The following CDC42BPG variants were observed in gnomAD, a reference collection of about 807,000 sequenced individuals.
The protein encoded by CDC42BPG is CDC42 binding protein kinase gamma.
CDC42BPG carries 157 observed loss-of-function variants against 192.2 expected under a neutral mutation model. The ratio of observed to expected loss-of-function variants is 0.82; its 90% CI spans 0.72 to 0.93. The LOEUF is 0.93. Among genes scored for constraint, CDC42BPG ranks in the 40% least tolerant of loss-of-function variants. The pLI is 0.00. For missense variants in CDC42BPG, 1,992 were observed against 2,122.1 expected (o/e 0.94, Z 1.20); for synonymous variants, 981 against 918.5 (o/e 1.07, Z -1.23).
intron 1 of CDC42BPG, among the ~76,000 whole-genome samples, chr11:64,843,057 G>A (rs1943350209): frequency 6.6e-6 from 1 of 152,084 alleles, no homozygotes; most frequent in Admixed American, 6.5e-5. Flanking sequence ...GCACCATAGG[G>A]ACCCACCCGC....
In CDC42BPG at chr11:64,829,693, A is replaced by G. The variant is rs200099116; in HGVS notation, c.3745T>C (p.Tyr1249His). 5.9e-4 allele frequency: 950 copies of G among 1,611,458 alleles called. 1 individual carries two copies. Among genetic ancestry groups the G allele is most frequent in the Non-Finnish European group, 7.6e-4 (902 of 1,179,470 alleles). The change falls in exon 30 of 37, where the codon TAC becomes CAC. Residue 1249 changes from tyrosine to histidine, a missense_variant. By Grantham distance (83) the Tyr-to-His change is moderately conservative (BLOSUM62 2). This residue lies in a region of CDC42BPG where 1,656 missense variants were observed against 1,844.3 expected (regional missense o/e 0.90). Coordinates refer to ENST00000342711, the MANE Select transcript of CDC42BPG (RefSeq NM_017525.3). The stretch of plus-strand genomic sequence containing the variant: ...GGCGCAGCCTCGTTGAGCAGCGGGT[A>G]GAGTGCAAAGCCACCGGCGGCGCCC... ...CVGAAGGFAL[Y>H]PLLNEAAPLA...
chr11:64,839,753 G>A (rs1035682771), intron 5 of CDC42BPG, among the ~76,000 whole-genome samples, 182 bp from the exon 6 acceptor site: 2 of 152,070 alleles, frequency 1.3e-5, no homozygotes, highest in Admixed American at 6.6e-5. Flanking sequence ...CCAGAAGGAG[G>A]AAGATGGCTA....
intron 34 of CDC42BPG, 26 bp from the exon 35 acceptor site, chr11:64,826,820 T>C: frequency 1.4e-6 from 2 of 1,477,612 alleles, no homozygotes; most frequent in Non-Finnish European, 1.8e-6. Context: ...GCGGAGGGGC[T>C]GGGACTAGCA....
chr11:64,840,187 C>T lies in CDC42BPG; in HGVS notation c.514G>A (p.Ala172Thr). ...RFEDRLPPEL[A>T]QFYLAEMVLA... ...ACCATCTCAGCCAGGTAGAACTGGG[C>T]CAGCTCGGGCGGGAGACGGTCCTCG... is the stretch of plus-strand genomic sequence containing the variant. Residue 172 changes from alanine to threonine, a missense_variant, in exon 5 of 37, where the codon GCC (alanine) becomes ACC (threonine). By Grantham distance (58) the Ala-to-Thr change is moderately conservative (BLOSUM62 0). Transcript: ENST00000342711. The T allele has an allele frequency of 7.4e-6, 12 of 1,613,210 alleles. No homozygotes were observed. Among genetic ancestry groups the T allele is most frequent in the Non-Finnish European group, 9.3e-6 (11 of 1,179,986 alleles).
chr11:64,824,966 G>A (rs1407851110), intron 36 of CDC42BPG, among the ~76,000 whole-genome samples: 1 of 148,700 alleles, frequency 6.7e-6, no homozygotes, highest in African/African-American at 2.5e-5. Flanking sequence ...CTGGAGGCTG[G>A]AATGCAGTGG....
intron 23 of CDC42BPG, 99 bp from the exon 24 acceptor site, chr11:64,833,435 C>A: frequency 1.1e-6 from 1 of 945,460 alleles, no homozygotes; most frequent in Non-Finnish European, 1.6e-6. Flanking sequence ...GCAACAGTGA[C>A]CTCCGAGTCC....
Position 64,833,946 on chromosome 11 carries a change from G to T in CDC42BPG, c.2445C>A (p.Phe815Leu). 6.2e-7 allele frequency: 1 copy of T among 1,614,256 alleles called. No homozygotes were observed. The highest frequency in any genetic ancestry group is 8.5e-7 in the Non-Finnish European group (1 of 1,180,038). Reference protein sequence around the residue: ...DTKPSNSLIPFLSFRSSEKDS... With the variant: ...DTKPSNSLIPLLSFRSSEKDS... ...TTACCTCTGAGCTCCGGAAGGACAG[G>T]AAGGGAATCAGGGAGTTTGAGGGCT... Residue 815 changes from phenylalanine to leucine, a missense_variant, in exon 21 of 37, where the codon TTC becomes TTA. Coordinates refer to ENST00000342711, the MANE Select transcript of CDC42BPG (RefSeq NM_017525.3).
rs199579250 is a variant in CDC42BPG, at chr11:64,836,994, C to T, written c.1231G>A (p.Ala411Thr). ...GSHSPESSSE[A>T]WAALERKLQC... ...AGCTTCCGCTCCAGGGCAGCCCAAG[C>T]CTCAGAGCTGCTCTCAGGACTGTGA... Residue 411 changes from alanine to threonine, a missense_variant, in exon 10 of 37, where the codon GCT becomes ACT. Physicochemically the swap from Ala to Thr is moderately conservative, Grantham distance 58. This residue lies in a region of CDC42BPG where 1,656 missense variants were observed against 1,844.3 expected (regional missense o/e 0.90). Transcript: ENST00000342711. The T allele has an allele frequency of 1.2e-6, 2 of 1,613,560 alleles. No homozygotes were observed. The highest frequency in any genetic ancestry group is 2.7e-5 in the African/African-American group (2 of 75,054).
chr11:64,827,607 C>T lies in CDC42BPG; in HGVS notation c.4070G>A (p.Arg1357Gln), dbSNP rs995862179. The T allele has an allele frequency of 8.7e-6, 14 of 1,607,908 alleles. No individual in the cohort carries two copies. The highest frequency in any genetic ancestry group is 1.3e-5 in the African/African-American group (1 of 74,774). The change falls in exon 32 of 37, where the codon CGG becomes CAG. Residue 1357 changes from arginine (R) to glutamine (Q), a missense_variant. Physicochemically the swap from Arg to Gln is conservative, Grantham distance 43. Transcript: ENST00000342711. ...WVQTVPLKKV[R>Q]PLNPEGSLFL... ...CAGGGAGCCCTCTGGATTGAGGGGC[C>T]GCACCTGAGGCAGCAGGCACAGCGG...
chr11:64,832,785 G>A (rs776401129), intron 25 of CDC42BPG, 41 bp downstream of exon 25: 93 of 1,591,598 alleles, frequency 5.8e-5, no homozygotes, highest in Non-Finnish European at 7.7e-5. Context: ...GGGACCCTCA[G>A]CCCCCCATGC....
At chr11:64,834,376 C>T (rs746886453) in intron 19 of CDC42BPG, 22 bp from the exon 20 acceptor site, 49 of 1,561,242 alleles carry the variant, frequency 3.1e-5, no homozygotes, top group Non-Finnish European at 3.8e-5. Context: ...GGCAAGGGCT[C>T]GCCACTGGCC....
rs770617691 is a variant in CDC42BPG at position 64,834,377 on chromosome 11, G to A, written c.2325-23C>T. Reference sequence around the variant, plus strand: ...CGGCTGGGGAGAATGGCAAGGGCTCGCCACTGGCCTCTGTGCGGGCCCTGG... The same window carrying A: ...CGGCTGGGGAGAATGGCAAGGGCTCACCACTGGCCTCTGTGCGGGCCCTGG... On this transcript the variant is annotated intron_variant, in intron 19 of 36. Coordinates refer to ENST00000342711, the MANE Select transcript of CDC42BPG (RefSeq NM_017525.3). 77 of 1,561,762 alleles carry A rather than the reference G, an allele frequency of 4.9e-5. 1 individual carries two copies. Among genetic ancestry groups the A allele is most frequent in the South Asian group, 3.9e-4 (33 of 85,352 alleles).
At chr11:64,834,201 C>T in intron 20 of CDC42BPG, 65 bp downstream of exon 20, 1 of 1,488,202 alleles carries the variant, frequency 6.7e-7, no homozygotes, top group Non-Finnish European at 9.0e-7. Flanking sequence ...ATCGTGGAGC[C>T]CCCTTGGCAA....
In CDC42BPG at chr11:64,832,693, G is replaced by A. The variant is rs954474221; in HGVS notation, c.2916C>T (p.Ala972=). The A allele has an allele frequency of 1.2e-6, 2 of 1,613,030 alleles. No homozygotes were observed. The highest frequency in any genetic ancestry group is 2.2e-5 in the South Asian group (2 of 91,014). The change falls in exon 26 of 37, where the codon GCC becomes GCT. Residue 972 remains alanine, a synonymous_variant. Transcript: ENST00000342711. Reference sequence around the variant, plus strand: ...ACAGCAGCAGGCGTGAGTCACTCAGGGCAGCAAACACGCGCTGCCAGCCCC... The same window carrying A: ...ACAGCAGCAGGCGTGAGTCACTCAGAGCAGCAAACACGCGCTGCCAGCCCC... The part of the protein sequence containing the change: ...VRRGWQRVFA[A]LSDSRLLLFD...
At chr11:64,826,882 G>A in intron 34 of CDC42BPG, 88 bp from the exon 35 acceptor site, 3 of 1,361,188 alleles carry the variant, frequency 2.2e-6, no homozygotes, top group South Asian at 2.9e-5. Flanking sequence ...ACAAATGAAC[G>A]CCACTGGGCC....
intron 28 of CDC42BPG, among the ~76,000 whole-genome samples, 161 bp downstream of exon 28, chr11:64,831,344 C>T (rs1942677561): frequency 6.6e-6 from 1 of 152,226 alleles, no homozygotes. Context: ...CCTGGGGGCC[C>T]AGCCATGCAC....
chr11:64,841,593 C>A, intron 3 of CDC42BPG, 57 bp downstream of exon 3: 2 of 1,421,528 alleles, frequency 1.4e-6, no homozygotes, highest in Non-Finnish European at 2.0e-6. Flanking sequence ...TGGCAGCATA[C>A]ACCTCCCCCA....
chr11:64,838,221 C>T (rs1181128161), intron 8 of CDC42BPG, 59 bp from the exon 9 acceptor site: 77 of 1,362,542 alleles, frequency 5.7e-5, no homozygotes, highest in Non-Finnish European at 7.5e-5. Flanking sequence ...AGGCCCAAGG[C>T]CCAGGAGCCC....
chr11:64,836,767 T>A lies in CDC42BPG; in HGVS notation c.1356A>T (p.Glu452Asp), dbSNP rs1245868610. 1 of 1,543,828 alleles carries A rather than the reference T, an allele frequency of 6.5e-7. No homozygotes were observed. Among genetic ancestry groups the A allele is most frequent in the South Asian group, 1.2e-5 (1 of 85,622 alleles). Residue 452 changes from glutamate (E) to aspartate (D), a missense_variant, in exon 11 of 37, where the codon GAA becomes GAT. By Grantham distance (45) the Glu-to-Asp change is conservative. Transcript: ENST00000342711. ...DHRELEQLRK[E>D]VQTLRDRLPE... ...GCAGCCTGTCCCGCAGAGTCTGCAC[T>A]TCCTTCCGTAGCTGCTCCAGCTCCC...
Sources: gnomAD v4.1 joint callset for allele counts (sites outside exome capture counted in the v4.1 genomes callset) on GRCh38, gnomAD v4.1.1 for gene constraint, gnomAD v4.1.1 regional missense constraint, MANE v1.5 for transcripts, NCBI Gene and HGNC (gene_info 2026-07-23, HGNC 2026-07-21) for gene names.